Variants in RNGTT observed in about 807,000 individuals in gnomAD.
The protein encoded by RNGTT is mRNA-capping enzyme.
A neutral mutation model predicts 79.3 loss-of-function variants in RNGTT; 33 were observed. The ratio of observed to expected loss-of-function variants is 0.42; its 90% CI spans 0.32 to 0.56. The LOEUF (loss-of-function observed/expected upper bound fraction) is 0.56. Ranked by LOEUF, RNGTT falls within the 20% of genes least tolerant of loss-of-function variation. RNGTT has a pLI of 0.17. For synonymous variants in RNGTT, 222 were observed against 235.9 expected (o/e 0.94, Z 0.54); for missense variants, 497 against 739.1 (o/e 0.67, Z 3.80).
At chr6:88,757,744 A>G (rs1334390869) in intron 13 of RNGTT, among the ~76,000 whole-genome samples, 2 of 152,220 alleles carry the variant, frequency 1.3e-5, no homozygotes, top group Non-Finnish European at 2.9e-5. Flanking sequence ...ATAACAAAAT[A>G]CATTTGGTTG....
chr6:88,946,129 A>G (rs1029038785), intron 1 of RNGTT, among the ~76,000 whole-genome samples: 4 of 152,210 alleles, frequency 2.6e-5, no homozygotes, highest in Admixed American at 6.5e-5. Context: ...TTGTCTATCA[A>G]GTCTATCAAG....
Position 88,929,150 on chromosome 6 carries a change from A to G in RNGTT, c.278+14T>C. On this transcript the variant is annotated intron_variant, in intron 3 of 15. Coordinates refer to ENST00000369485, the MANE Select transcript of RNGTT (RefSeq NM_003800.5). ...AAAGGTTTCAATATTAAAGAATCTTAATATATAACTTACCCTTTACACTGA... is the reference window on the plus strand; with the variant it reads ...AAAGGTTTCAATATTAAAGAATCTTGATATATAACTTACCCTTTACACTGA... 6.4e-7 allele frequency: 1 copy of G among 1,573,042 alleles called. No individual in the cohort carries two copies. Among genetic ancestry groups the G allele is most frequent in the Non-Finnish European group, 8.7e-7 (1 of 1,151,056 alleles).
chr6:88,811,324 C>T (rs1429195873), intron 11 of RNGTT, among the ~76,000 whole-genome samples: 2 of 152,086 alleles, frequency 1.3e-5, no homozygotes, highest in Admixed American at 6.6e-5. Flanking sequence ...TAAGGTTTTT[C>T]CTATAAAACT....
intron 14 of RNGTT, among the ~76,000 whole-genome samples, chr6:88,618,638 G>GA (rs1290517463): frequency 2.6e-5 from 4 of 152,008 alleles, no homozygotes; most frequent in Admixed American, 6.6e-5. Context: ...TACTGTTTCT[G>GA]AAAAAAACAG....
At position 88,889,681 on chromosome 6, in the gene RNGTT, T is replaced by C. The variant is rs138846903; in HGVS notation, c.896+814A>G. ...ATACATACATATAGCAAAACTGTAA[T>C]AGATGCAAAAAAATATGGATTACAA... is the stretch of plus-strand genomic sequence containing the variant. On this transcript the variant is annotated intron_variant, in intron 8 of 15. Transcript: ENST00000369485. 4.6e-3 allele frequency among the ~76,000 whole-genome samples: 702 copies of C among 152,180 alleles called. 5 individuals are homozygous for C. The highest frequency in any genetic ancestry group is 0.015 in the African/African-American group (643 of 41,512).
At chr6:88,844,036 G>A (rs751161857) in intron 11 of RNGTT, among the ~76,000 whole-genome samples, 1 of 151,534 alleles carries the variant, frequency 6.6e-6, no homozygotes, top group Non-Finnish European at 1.5e-5. Flanking sequence ...ATGTGTAGGA[G>A]CAGGCCTAAT....
intron 12 of RNGTT, among the ~76,000 whole-genome samples, chr6:88,794,319 A>C (rs941917161): frequency 2.0e-5 from 3 of 152,202 alleles, no homozygotes; most frequent in African/African-American, 7.2e-5. Context: ...AGTTTTTTGA[A>C]AGGAAAAAAG....
intron 6 of RNGTT, 142 bp downstream of exon 6, chr6:88,904,573 A>AT: frequency 2.9e-6 from 3 of 1,034,462 alleles, no homozygotes; most frequent in Non-Finnish European, 4.0e-6. Flanking sequence ...AAAAAAAAAA[A>AT]ATTTTTTTTT....
chr6:88,938,484 G>C (rs538196748), intron 2 of RNGTT, among the ~76,000 whole-genome samples: 1 of 152,128 alleles, frequency 6.6e-6, no homozygotes, highest in Admixed American at 6.5e-5. Flanking sequence ...ATATCCATTC[G>C]GCCAGTTTAC....
At chr6:88,757,146 T>G (rs956696765) in intron 13 of RNGTT, among the ~76,000 whole-genome samples, 2 of 152,190 alleles carry the variant, frequency 1.3e-5, no homozygotes, top group African/African-American at 4.8e-5. Context: ...TATGTGATCA[T>G]GTATTTGCTA....
At chr6:88,667,657 C>T (rs1370954850) in intron 14 of RNGTT, among the ~76,000 whole-genome samples, 1 of 152,138 alleles carries the variant, frequency 6.6e-6, no homozygotes, top group African/African-American at 2.4e-5. Flanking sequence ...AGATCTCATC[C>T]CTAGGTTTGG....
At chr6:88,770,244 G>A (rs1778605065) in intron 12 of RNGTT, among the ~76,000 whole-genome samples, 2 of 152,080 alleles carry the variant, frequency 1.3e-5, no homozygotes, top group African/African-American at 4.8e-5. Context: ...AATATATACA[G>A]TTACGTAACC....
intron 12 of RNGTT, among the ~76,000 whole-genome samples, chr6:88,791,678 C>T (rs1329038123): frequency 3.9e-5 from 6 of 152,022 alleles, no homozygotes; most frequent in Admixed American, 2.6e-4. Flanking sequence ...TAGCTGGGAC[C>T]ACAGGCGCCC....
intron 13 of RNGTT, among the ~76,000 whole-genome samples, chr6:88,764,001 C>T (rs1422451211): frequency 6.6e-6 from 1 of 152,130 alleles, no homozygotes; most frequent in Non-Finnish European, 1.5e-5. Context: ...GGCCTTATAA[C>T]CCAGTATATC....
intron 12 of RNGTT, among the ~76,000 whole-genome samples, chr6:88,777,021 T>G (rs1778911408): frequency 6.6e-6 from 1 of 152,194 alleles, no homozygotes; most frequent in East Asian, 1.9e-4. Flanking sequence ...TTTAAGTGGA[T>G]TTTTGTGTAT....
intron 8 of RNGTT, among the ~76,000 whole-genome samples, chr6:88,860,646 G>A (rs549055692): frequency 5.3e-5 from 8 of 151,842 alleles, no homozygotes; most frequent in South Asian, 2.1e-4. Flanking sequence ...TATTTATTCC[G>A]TTGCATAAAT....
chr6:88,962,793 C>T (rs1250180058), intron 1 of RNGTT, among the ~76,000 whole-genome samples: 1 of 151,146 alleles, frequency 6.6e-6, no homozygotes, highest in Admixed American at 6.6e-5. Context: ...TAGCCGGGTG[C>T]GGTGGCAGGA....
intron 13 of RNGTT, among the ~76,000 whole-genome samples, chr6:88,764,566 C>T (rs1778386437): frequency 6.6e-6 from 1 of 152,278 alleles, no homozygotes; most frequent in Middle Eastern, 3.4e-3. Flanking sequence ...TCCAGTTTCT[C>T]ACTATTGTAA....
At chr6:88,882,441 G>T (rs1187696222) in intron 8 of RNGTT, among the ~76,000 whole-genome samples, 1 of 152,174 alleles carries the variant, frequency 6.6e-6, no homozygotes, top group East Asian at 1.9e-4. Context: ...CACAGTACCT[G>T]ACACACAGAG....
Sources: allele counts gnomAD v4.1 joint callset (sites outside exome capture counted in the v4.1 genomes callset), GRCh38; gene constraint gnomAD v4.1.1; transcripts MANE v1.5; gene names NCBI Gene and HGNC (gene_info 2026-07-23, HGNC 2026-07-21).